Variants in ZRANB3 observed in about 807,000 individuals in gnomAD.
ZRANB3 encodes zinc finger RANBP2-type containing 3, also known as DNA annealing helicase and endonuclease ZRANB3.
Under a neutral mutation model 133.8 loss-of-function variants are expected in ZRANB3, and 125 were observed. The ratio of observed to expected loss-of-function variants is 0.93; its 90% CI spans 0.81 to 1.08. ZRANB3 has a LOEUF of 1.08. Among genes scored for constraint, ZRANB3 ranks in the 50% least tolerant of loss-of-function variants. The pLI, the probability that ZRANB3 is intolerant of heterozygous loss-of-function variation, is 0.00. For missense variants in ZRANB3, 1,229 were observed against 1,275.5 expected, an observed-to-expected ratio of 0.96 and a Z score of 0.56; for synonymous variants, 387 against 432.7, an observed-to-expected ratio of 0.89 and a Z score of 1.31.
At chr2:135,441,731 C>A (rs926375311) in intron 2 of ZRANB3, among the ~76,000 whole-genome samples, 11 of 151,936 alleles carry the variant, frequency 7.2e-5, no homozygotes, top group African/African-American at 2.7e-4. Flanking sequence ...CAATGTTAAA[C>A]TCAAGTAGAC....
chr2:135,318,058 A>G (rs1321204704), intron 6 of ZRANB3, among the ~76,000 whole-genome samples: 1 of 152,098 alleles, frequency 6.6e-6, no homozygotes, highest in African/African-American at 2.4e-5. Context: ...TTTGCCCAAC[A>G]TCTCATGGAT....
Position 135,198,062 on chromosome 2 carries a change from C to T in ZRANB3, c.*2280G>A, listed in dbSNP as rs911912059. 6.6e-6 allele frequency: 1 copy of T among 152,298 alleles called. No individual in the cohort carries two copies. The highest frequency in any genetic ancestry group is 1.5e-5 in the Non-Finnish European group (1 of 68,116). The allele number at this position is 152,298 out of a possible 1,614,324, so 9.4% of individuals were successfully genotyped here. A position where few individuals can be genotyped will look rare whatever the true frequency, so the allele number is the denominator to read the frequency against. ...ATCCTTTTACACTCATTGTACCCAC[C>T]TGTGTTTTCACTCCATCTCCATCTC... On this transcript the variant is annotated 3_prime_UTR_variant, in exon 21 of 21. Coordinates refer to ENST00000264159, the MANE Select transcript of ZRANB3 (RefSeq NM_032143.4).
At chr2:135,517,860 C>T (rs1027232868) in intron 1 of ZRANB3, among the ~76,000 whole-genome samples, 1 of 152,202 alleles carries the variant, frequency 6.6e-6, no homozygotes, top group African/African-American at 2.4e-5. Flanking sequence ...GCTGTGAGCA[C>T]AGCTGCCCCT....
intron 2 of ZRANB3, among the ~76,000 whole-genome samples, chr2:135,459,689 T>C (rs1377288017): frequency 6.6e-6 from 1 of 152,208 alleles, no homozygotes; most frequent in East Asian, 1.9e-4. Context: ...TTAACATATC[T>C]AGAAATTCTC....
intron 2 of ZRANB3, among the ~76,000 whole-genome samples, chr2:135,409,445 A>G (rs550219549): frequency 6.7e-6 from 1 of 149,224 alleles, no homozygotes; most frequent in East Asian, 2.0e-4. Context: ...TCGCTTTATG[A>G]TAAAAAAAAA....
chr2:135,383,965 C>G (rs905262675), intron 3 of ZRANB3, among the ~76,000 whole-genome samples: 27 of 152,134 alleles, frequency 1.8e-4, no homozygotes, highest in Non-Finnish European at 3.4e-4. Flanking sequence ...CATTCAAAAG[C>G]TAGCAGAAGG....
chr2:135,331,093 C>T (rs1014571542), intron 6 of ZRANB3, among the ~76,000 whole-genome samples: 2 of 152,134 alleles, frequency 1.3e-5, no homozygotes, highest in African/African-American at 4.8e-5. Flanking sequence ...CTATTTCCTG[C>T]CTTCTGCTAG....
intron 2 of ZRANB3, among the ~76,000 whole-genome samples, chr2:135,497,351 C>T (rs997901198): frequency 6.2e-4 from 95 of 152,056 alleles, no homozygotes; most frequent in African/African-American, 2.1e-3. Context: ...TATAAAGCTA[C>T]GCTAAGAAGT....
At chr2:135,400,476 G>A (rs1349944794) in intron 2 of ZRANB3, among the ~76,000 whole-genome samples, 1 of 151,942 alleles carries the variant, frequency 6.6e-6, no homozygotes, top group East Asian at 1.9e-4. Context: ...CTCCCAAGTA[G>A]CTGGAAATAC....
intron 2 of ZRANB3, among the ~76,000 whole-genome samples, chr2:135,491,184 T>C (rs1333812843): frequency 6.6e-6 from 1 of 152,158 alleles, no homozygotes; most frequent in Non-Finnish European, 1.5e-5. Flanking sequence ...TGAAAATACT[T>C]CACTATTTAA....
chr2:135,323,029 T>A (rs1228127386), intron 6 of ZRANB3, among the ~76,000 whole-genome samples: 1 of 152,098 alleles, frequency 6.6e-6, no homozygotes, highest in Non-Finnish European at 1.5e-5. Context: ...AAATTTTTTT[T>A]TTTTTAGTCT....
chr2:135,491,561 T>C (rs1317163571), intron 2 of ZRANB3, among the ~76,000 whole-genome samples: 1 of 152,094 alleles, frequency 6.6e-6, no homozygotes, highest in Non-Finnish European at 1.5e-5. Context: ...TTGCCCAGGC[T>C]GGAGTGCAGT....
chr2:135,252,484 T>C (rs1228518281), intron 12 of ZRANB3, among the ~76,000 whole-genome samples: 1 of 152,160 alleles, frequency 6.6e-6, no homozygotes, highest in Non-Finnish European at 1.5e-5. Context: ...TAGCAAAATA[T>C]CATATAACAT....
chr2:135,270,974 G>A (rs1680483886), intron 10 of ZRANB3, among the ~76,000 whole-genome samples: 1 of 152,150 alleles, frequency 6.6e-6, no homozygotes, highest in South Asian at 2.1e-4. Flanking sequence ...TTATTCCTTT[G>A]TAACATAACA....
chr2:135,396,994 A>T (rs1687521416), intron 2 of ZRANB3, among the ~76,000 whole-genome samples: 1 of 152,104 alleles, frequency 6.6e-6, no homozygotes, highest in African/African-American at 2.4e-5. Context: ...CAGGTGTGTT[A>T]TCCACGCCTG....
chr2:135,486,910 T>C (rs1159152944), intron 2 of ZRANB3, among the ~76,000 whole-genome samples: 1 of 152,230 alleles, frequency 6.6e-6, no homozygotes, highest in African/African-American at 2.4e-5. Flanking sequence ...CCTCCTCCCA[T>C]GAATCATGAA....
At chr2:135,290,547 T>G (rs1317315601) in intron 8 of ZRANB3, among the ~76,000 whole-genome samples, 1 of 152,228 alleles carries the variant, frequency 6.6e-6, no homozygotes, top group Non-Finnish European at 1.5e-5. Context: ...TTCTTATTCA[T>G]TCTGCCAATC....
At chr2:135,312,785 G>A (rs753607235) in intron 8 of ZRANB3, among the ~76,000 whole-genome samples, 20 of 152,070 alleles carry the variant, frequency 1.3e-4, no homozygotes, top group Non-Finnish European at 2.8e-4. Flanking sequence ...GAAAGCCAAG[G>A]TGGGTGGATC....
intron 12 of ZRANB3, among the ~76,000 whole-genome samples, chr2:135,244,719 CTTAATTAAGCTAT>C (rs1372509882): frequency 3.9e-5 from 6 of 152,162 alleles, no homozygotes; most frequent in African/African-American, 9.7e-5. Context: ...AGTTGATCTT[CTTAATTAAGCTAT>C]TTAATTAAGC....
Sources: allele counts gnomAD v4.1 joint callset (sites outside exome capture counted in the v4.1 genomes callset), GRCh38; gene constraint gnomAD v4.1.1; transcripts MANE v1.5; gene names NCBI Gene and HGNC (gene_info 2026-07-23, HGNC 2026-07-21).